WDR93: variants seen among roughly 807,000 people sequenced by gnomAD.
WDR93 encodes WD repeat-containing protein 93.
Under a neutral mutation model 82.9 loss-of-function variants are expected in WDR93, and 73 were observed. That is an observed-to-expected ratio of 0.88 (90% CI 0.73 to 1.07). The LOEUF is 1.07. Ranked by LOEUF, WDR93 falls within the 50% of genes least tolerant of loss-of-function variation. The pLI is 0.00. For missense variants in WDR93, 738 were observed against 826.0 expected, an observed-to-expected ratio of 0.89 and a Z score of 1.31; for synonymous variants, 283 against 300.1, an observed-to-expected ratio of 0.94 and a Z score of 0.59.
intron 4 of WDR93, among the ~76,000 whole-genome samples, chr15:89,707,617 A>G (rs1233325940): frequency 2.0e-5 from 3 of 151,998 alleles, no homozygotes; most frequent in Non-Finnish European, 4.4e-5. Context: ...AAAGAAAAAA[A>G]GGAAAATAAA....
intron 14 of WDR93, 143 bp from the exon 15 acceptor site, chr15:89,737,430 C>A: frequency 8.9e-7 from 1 of 1,118,134 alleles, no homozygotes; most frequent in Non-Finnish European, 1.3e-6. Flanking sequence ...CTCCAGCAGC[C>A]CTGGATGGAT....
intron 11 of WDR93, 104 bp from the exon 12 acceptor site, chr15:89,731,339 T>A (rs929490128): frequency 3.3e-6 from 5 of 1,536,952 alleles, no homozygotes; most frequent in Non-Finnish European, 4.4e-6. Context: ...CTGGTTCCCA[T>A]TCCCTGAACA....
chr15:89,725,328 C>CATAG (rs1054460920), intron 8 of WDR93, among the ~76,000 whole-genome samples: 1 of 152,054 alleles, frequency 6.6e-6, no homozygotes, highest in African/African-American at 2.4e-5. Flanking sequence ...AGAGGACAGC[C>CATAG]ATAGAGTTAA....
intron 16 of WDR93, among the ~76,000 whole-genome samples, chr15:89,740,289 G>A (rs1489412438): frequency 6.6e-6 from 1 of 152,060 alleles, no homozygotes; most frequent in Non-Finnish European, 1.5e-5. Flanking sequence ...ACTTAACAGG[G>A]GCGTTCAAGT....
chr15:89,732,858 T>G, intron 12 of WDR93, 148 bp from the exon 13 acceptor site: 1 of 728,650 alleles, frequency 1.4e-6, no homozygotes, highest in Non-Finnish European at 2.4e-6. Context: ...GCACTAGGTT[T>G]ACTGATTTTC....
chr15:89,725,618 G>C (rs1034471592), intron 8 of WDR93, among the ~76,000 whole-genome samples: 1 of 147,448 alleles, frequency 6.8e-6, no homozygotes, highest in Non-Finnish European at 1.5e-5. Context: ...GCCCAGGCTG[G>C]AGTGCAGTGG....
intron 16 of WDR93, 39 bp downstream of exon 16, chr15:89,738,275 G>T (rs763139366): frequency 6.5e-7 from 1 of 1,535,314 alleles, no homozygotes; most frequent in South Asian, 1.3e-5. Flanking sequence ...CCACATCTGA[G>T]GTTGTCTCTG....
intron 1 of WDR93, among the ~76,000 whole-genome samples, chr15:89,694,854 A>G (rs1965086377): frequency 6.6e-6 from 1 of 152,192 alleles, no homozygotes; most frequent in African/African-American, 2.4e-5. Context: ...TAATTTTTGC[A>G]TATGGTGCAA....
intron 3 of WDR93, chr15:89,704,467 TA>T (rs1426722724): frequency 6.6e-6 from 1 of 152,298 alleles, no homozygotes; most frequent in Non-Finnish European, 1.5e-5. Flanking sequence ...ATAAAAAGCT[TA>T]AAAAATGAAA....
chr15:89,700,465 A>C (rs1339260661), intron 1 of WDR93, among the ~76,000 whole-genome samples: 2 of 152,150 alleles, frequency 1.3e-5, no homozygotes, highest in African/African-American at 4.8e-5. Context: ...ACTATATATT[A>C]AGCACCTTAA....
At chr15:89,723,278 T>TA (rs919307316) in intron 8 of WDR93, among the ~76,000 whole-genome samples, 3 of 151,626 alleles carry the variant, frequency 2.0e-5, no homozygotes, top group Non-Finnish European at 2.9e-5. Context: ...TTGCAACCAT[T>TA]AAAAAAACAA....
In WDR93 at chr15:89,737,704, A is replaced by G; in HGVS notation, c.1740A>G (p.Pro580=). The G allele has an allele frequency of 1.2e-6, 2 of 1,614,164 alleles. No individual in the cohort carries two copies. The highest frequency in any genetic ancestry group is 1.7e-6 in the Non-Finnish European group (2 of 1,180,022). The change falls in exon 15 of 17, where the codon CCA becomes CCG. Residue 580 remains proline (P), a synonymous_variant. Transcript: ENST00000268130. ...GGAAGCCAGTGTTTGCTGTGTCTCC[A>G]GACCATCCATGTTTCCTGCTCCGAG... is the stretch of plus-strand genomic sequence containing the variant. ...VPWKPVFAVS[P]DHPCFLLRGD...
chr15:89,701,830 A>G lies in WDR93; in HGVS notation c.84A>G (p.Pro28=), dbSNP rs780701747. ...AGGGACCATTGGAGGTGCCACCCCC[A>G]ACAGAGAAGGACTGGCCTAAAGACG... ...TRKGPLEVPP[P]TEKDWPKDDE... Residue 28 remains proline (P), a synonymous_variant, in exon 2 of 17, where the codon CCA becomes CCG. Transcript: ENST00000268130. 2.5e-6 allele frequency: 4 copies of G among 1,614,014 alleles called. No individual in the cohort carries two copies. The African/African-American group carries it at 5.3e-5, about 22-fold the overall frequency.
At position 89,711,998 on chromosome 15, in the gene WDR93, A is replaced by C. The variant is rs143439837; in HGVS notation, c.562-28A>C. ...CATTCTCTGTCAGCAGGCTATGCCT[A>C]CTCTATCAACATCTCTTTTGTTTTC... On this transcript the variant is annotated intron_variant, in intron 4 of 16. Coordinates refer to ENST00000268130, the MANE Select transcript of WDR93 (RefSeq NM_020212.2). 2,472 of 1,574,802 alleles carry C rather than the reference A, an allele frequency of 1.6e-3. 5 individuals carry two copies. Among genetic ancestry groups the C allele is most frequent in the Non-Finnish European group, 2.0e-3 (2,285 of 1,145,660 alleles).
chr15:89,739,394 CCTTT>C (rs769218576), intron 16 of WDR93, among the ~76,000 whole-genome samples: 1 of 152,152 alleles, frequency 6.6e-6, no homozygotes, highest in Non-Finnish European at 1.5e-5. Flanking sequence ...ATCTAAGACC[CCTTT>C]CTTTTACCCA....
At chr15:89,690,882 G>A in intron 1 of WDR93, 25 bp downstream of exon 1, 1 of 478,986 alleles carries the variant, frequency 2.1e-6, no homozygotes, top group Admixed American at 3.8e-5. Flanking sequence ...TCTTACCTTT[G>A]GATGCCGGGG....
At chr15:89,723,952 CTT>C (rs1016798797) in intron 8 of WDR93, among the ~76,000 whole-genome samples, 10 of 152,150 alleles carry the variant, frequency 6.6e-5, no homozygotes, top group African/African-American at 2.4e-4. Flanking sequence ...AATCCCAGCA[CTT>C]TGGGAGGTCG....
chr15:89,694,172 C>G (rs1372029456), intron 1 of WDR93, among the ~76,000 whole-genome samples: 2 of 151,578 alleles, frequency 1.3e-5, no homozygotes, highest in Non-Finnish European at 2.9e-5. Context: ...ATGAGTCTAT[C>G]TGCCATCTGT....
chr15:89,699,427 C>A (rs553836206), intron 1 of WDR93, among the ~76,000 whole-genome samples: 15 of 152,056 alleles, frequency 9.9e-5, no homozygotes, highest in Non-Finnish European at 2.1e-4. Flanking sequence ...TGCCTTTCTT[C>A]TTCTGGCTGC....
Sources: allele counts gnomAD v4.1 joint callset (sites outside exome capture counted in the v4.1 genomes callset), GRCh38; gene constraint gnomAD v4.1.1; transcripts MANE v1.5; gene names NCBI Gene and HGNC (gene_info 2026-07-23, HGNC 2026-07-21).